The following WDFY2 variants were observed in gnomAD, a reference collection of about 807,000 sequenced individuals.
The protein encoded by WDFY2 is WD repeat and FYVE domain-containing protein 2.
A neutral mutation model predicts 56.4 loss-of-function variants in WDFY2; 36 were observed. The observed-to-expected ratio is 0.64, with a 90% confidence interval of 0.49 to 0.84. The LOEUF (loss-of-function observed/expected upper bound fraction) is 0.84. WDFY2 is among the 40% of genes least tolerant of loss of function. The pLI is 0.00. For missense variants in WDFY2, 444 were observed against 512.2 expected (o/e 0.87, Z 1.29); for synonymous variants, 176 against 183.7 (o/e 0.96, Z 0.34).
At chr13:51,633,807 T>C (rs1001525215) in intron 1 of WDFY2, among the ~76,000 whole-genome samples, 12 of 152,246 alleles carry the variant, frequency 7.9e-5, no homozygotes, top group African/African-American at 2.7e-4. Flanking sequence ...TTTTATTGTG[T>C]AATTCATTTG....
At chr13:51,732,002 G>A (rs905785854) in intron 6 of WDFY2, among the ~76,000 whole-genome samples, 7 of 152,180 alleles carry the variant, frequency 4.6e-5, no homozygotes, top group African/African-American at 1.7e-4. Flanking sequence ...CTAGTTTTAT[G>A]TTCTTATGCT....
intron 4 of WDFY2, among the ~76,000 whole-genome samples, chr13:51,711,316 G>A (rs988537632): frequency 3.9e-4 from 60 of 152,282 alleles, no homozygotes; most frequent in African/African-American, 1.4e-3. Flanking sequence ...TTAAACGTTA[G>A]ACCTAAAACC....
intron 1 of WDFY2, among the ~76,000 whole-genome samples, chr13:51,659,579 G>A (rs1047715478): frequency 9.2e-5 from 14 of 152,236 alleles, no homozygotes; most frequent in East Asian, 1.9e-4. Context: ...ATTCATGGTC[G>A]GGCCTTTTTG....
chr13:51,713,234 A>T (rs1952264588), intron 4 of WDFY2, among the ~76,000 whole-genome samples: 1 of 152,246 alleles, frequency 6.6e-6, no homozygotes, highest in Non-Finnish European at 1.5e-5. Flanking sequence ...ACAAAATTTC[A>T]GTGGATAAAA....
intron 4 of WDFY2, among the ~76,000 whole-genome samples, chr13:51,705,724 C>A (rs1952069697): frequency 6.6e-6 from 1 of 152,008 alleles, no homozygotes; most frequent in African/African-American, 2.4e-5. Flanking sequence ...CTTCATGTCA[C>A]CAACAATCCA....
chr13:51,739,134 CGGTGGGAGAAAAGGAACAGCCATCGA>C lies in WDFY2; in HGVS notation c.686_711del (p.Gly229AlafsTer26). The C allele has an allele frequency of 6.3e-7, 1 of 1,597,578 alleles. No homozygotes were observed. Among genetic ancestry groups the C allele is most frequent in the Non-Finnish European group, 8.5e-7 (1 of 1,172,300 alleles). On this transcript the variant is annotated frameshift_variant, in exon 7 of 12. Coordinates refer to ENST00000298125, the MANE Select transcript of WDFY2 (RefSeq NM_052950.4). LOFTEE classifies it high-confidence loss of function. ...ATCACTCTGTCATCATGTGGGACAT[CGGTGGGAGAAAAGGAACAGCCATCGA>C]GCTCCAAGGACACAAGTAAGGTTGC...
chr13:51,589,652 G>A (rs746682091), intron 1 of WDFY2: 14 of 152,160 alleles, frequency 9.2e-5, no homozygotes, highest in South Asian at 2.1e-4. Flanking sequence ...GCAAATCAAA[G>A]TTTTATAGTG....
intron 2 of WDFY2, among the ~76,000 whole-genome samples, chr13:51,667,725 T>G (rs906211250): frequency 5.9e-5 from 9 of 152,182 alleles, no homozygotes; most frequent in Non-Finnish European, 1.2e-4. Context: ...TTGTGAAATG[T>G]ATTGATCCAT....
At chr13:51,696,721 A>T (rs1793584195) in intron 3 of WDFY2, among the ~76,000 whole-genome samples, 1 of 152,228 alleles carries the variant, frequency 6.6e-6, no homozygotes, top group Non-Finnish European at 1.5e-5. Flanking sequence ...GTAAAGCCTT[A>T]AAAAAGAAAA....
chr13:51,691,745 T>G (rs1956163497), intron 3 of WDFY2, among the ~76,000 whole-genome samples: 1 of 152,066 alleles, frequency 6.6e-6, no homozygotes, highest in Non-Finnish European at 1.5e-5. Flanking sequence ...AAGTCATTGG[T>G]AGCTTGATGG....
intron 4 of WDFY2, among the ~76,000 whole-genome samples, chr13:51,710,968 C>G (rs1289165361): frequency 6.6e-6 from 1 of 152,130 alleles, no homozygotes; most frequent in Non-Finnish European, 1.5e-5. Context: ...CAAAAAAGAG[C>G]CCGCATTGCC....
chr13:51,712,458 AAC>A (rs1397119748), intron 4 of WDFY2, among the ~76,000 whole-genome samples: 1 of 152,154 alleles, frequency 6.6e-6, no homozygotes, highest in African/African-American at 2.4e-5. Context: ...AAAAAATGAA[AAC>A]ACAATATACC....
chr13:51,695,049 T>G (rs1250385260), intron 3 of WDFY2, among the ~76,000 whole-genome samples: 1 of 152,242 alleles, frequency 6.6e-6, no homozygotes, highest in African/African-American at 2.4e-5. Flanking sequence ...CTTTAAGCAC[T>G]TCTCTATATT....
At chr13:51,736,834 G>A (rs1319866446) in intron 6 of WDFY2, among the ~76,000 whole-genome samples, 3 of 152,136 alleles carry the variant, frequency 2.0e-5, no homozygotes, top group Non-Finnish European at 4.4e-5. Flanking sequence ...TATCGGTCAG[G>A]GAAGTCTAAA....
In WDFY2 at chr13:51,751,376, T is replaced by C; in HGVS notation, c.792T>C (p.Gly264=). The C allele has an allele frequency of 6.2e-7, 1 of 1,613,238 alleles. No homozygotes were observed. The highest frequency in any genetic ancestry group is 8.5e-7 in the Non-Finnish European group (1 of 1,179,380). The change falls in exon 8 of 12, where the codon GGT becomes GGC. Residue 264 remains glycine (G), a synonymous_variant. Transcript: ENST00000298125. ...TRQLISCGGD[G]GIVVWNMDVE... is the part of the protein sequence containing the mutation. ...AATTGATCTCCTGTGGCGGTGATGG[T>C]GGGATTGTCGTCTGGAACATGGACG...
intron 1 of WDFY2, among the ~76,000 whole-genome samples, chr13:51,608,389 TA>T (rs1954423710): frequency 2.0e-5 from 3 of 152,208 alleles, no homozygotes; most frequent in African/African-American, 7.2e-5. Flanking sequence ...TCTTCAGAAA[TA>T]GTCACGTTTG....
At chr13:51,743,356 A>C (rs1384819256) in intron 7 of WDFY2, among the ~76,000 whole-genome samples, 2 of 152,322 alleles carry the variant, frequency 1.3e-5, no homozygotes, top group East Asian at 3.9e-4. Flanking sequence ...GCCTCAGGCG[A>C]GGCACTGCAC....
Position 51,758,199 on chromosome 13 carries a change from C to T in WDFY2, c.1072C>T (p.Pro358Ser), listed in dbSNP as rs772735112. ...TTTCTTTGCTCCTTCTAGACGTGCA[C>T]CCACAGCCACCTTCCATGACAGTAA... Reference protein sequence around the residue: ...HEAITDEERAPTATFHDSKHN... With the variant: ...HEAITDEERASTATFHDSKHN... The change falls in exon 11 of 12, where the codon CCC becomes TCC. Residue 358 changes from proline to serine, a missense_variant. Pro to Ser is a moderately conservative substitution (Grantham distance 74). Transcript: ENST00000298125. 2.5e-5 allele frequency: 40 copies of T among 1,573,092 alleles called. No individual in the cohort carries two copies. The highest frequency in any genetic ancestry group is 2.3e-5 in the Non-Finnish European group (27 of 1,149,600).
At chr13:51,720,860 C>A (rs1156458449) in intron 5 of WDFY2, among the ~76,000 whole-genome samples, 1 of 151,904 alleles carries the variant, frequency 6.6e-6, no homozygotes, top group Admixed American at 6.6e-5. Context: ...TAATCCCATT[C>A]ATGAGGATTC....
Sources: allele counts gnomAD v4.1 joint callset (sites outside exome capture counted in the v4.1 genomes callset), GRCh38; gene constraint gnomAD v4.1.1; transcripts MANE v1.5; gene names NCBI Gene and HGNC (gene_info 2026-07-23, HGNC 2026-07-21).